The following DOCK9 variants were observed in gnomAD, a reference collection of about 807,000 sequenced individuals.
The protein encoded by DOCK9 is dedicator of cytokinesis 9.
Under a neutral mutation model 263.3 loss-of-function variants are expected in DOCK9, and 89 were observed. The observed-to-expected ratio is 0.34, with a 90% CI of 0.28 to 0.40. The LOEUF is 0.40. DOCK9 is among the 10% of genes least tolerant of loss of function. DOCK9 has a pLI of 1.00. For synonymous variants in DOCK9, 976 were observed against 973.1 expected (o/e 1.00, Z -0.06); for missense variants, 2,140 against 2,603.4 (o/e 0.82, Z 3.87).
At position 98,886,623 on chromosome 13, in the gene DOCK9, C is replaced by G; in HGVS notation, c.2045G>C (p.Cys682Ser). 6.2e-7 allele frequency: 1 copy of G among 1,613,412 alleles called. No individual in the cohort carries two copies. ...SDEEDSQPLK[C>S]IYGRPGGPVF... ...TGGCCCACCAGGTCTGCCATAAATGCACTAAAATAAGAGTTACCAAAGGGA... is the reference window on the plus strand; with the variant it reads ...TGGCCCACCAGGTCTGCCATAAATGGACTAAAATAAGAGTTACCAAAGGGA... Residue 682 changes from cysteine to serine, a missense_variant and splice_region_variant, in exon 19 of 53, where the codon TGC becomes TCC. Coordinates refer to ENST00000682017, the MANE Select transcript of DOCK9 (RefSeq NM_001366683.2).
intron 47 of DOCK9, among the ~76,000 whole-genome samples, chr13:98,808,019 T>C (rs553056020): frequency 6.6e-6 from 1 of 152,318 alleles, no homozygotes; most frequent in Non-Finnish European, 1.5e-5. Context: ...TATTCAAGAA[T>C]GCAGTCATTA....
rs1217472609 is a variant in DOCK9, at chr13:98,825,531, G to A, written c.5024-1027C>T. Reference sequence around the variant, plus strand: ...ACTATCCCAGTTTAGTTTTTATTTTGTTATATGGAAACAAGAGTCTCCCAT... The same window carrying A: ...ACTATCCCAGTTTAGTTTTTATTTTATTATATGGAAACAAGAGTCTCCCAT... On this transcript the variant is annotated intron_variant, in intron 44 of 52. Coordinates refer to ENST00000682017, the MANE Select transcript of DOCK9 (RefSeq NM_001366683.2). The surrounding 1 kb of genome is among the most constrained non-coding windows in gnomAD (Gnocchi z 4.1). Among the ~76,000 whole-genome samples, 1 of 152,070 alleles carries A rather than the reference G, an allele frequency of 6.6e-6. No individual in the cohort carries two copies. Among genetic ancestry groups the A allele is most frequent in the Non-Finnish European group, 1.5e-5 (1 of 68,000 alleles).
chr13:98,887,909 G>C (rs987802112), intron 18 of DOCK9, among the ~76,000 whole-genome samples: 1 of 152,050 alleles, frequency 6.6e-6, no homozygotes, highest in Admixed American at 6.5e-5. Flanking sequence ...AGTGTTTGCT[G>C]AATTGAGTGT....
chr13:98,938,710 A>AT (rs10711141), intron 2 of DOCK9, among the ~76,000 whole-genome samples: 3 of 151,924 alleles, frequency 2.0e-5, no homozygotes, highest in East Asian at 1.9e-4. Flanking sequence ...ATGGCACTGG[A>AT]TTTTTTTTAT....
chr13:98,850,196 C>A lies in DOCK9; in HGVS notation c.3947-83G>T, dbSNP rs1298779705. Reference sequence around the variant, plus strand: ...CACCTGTTGTGAAAATGGGAAGGAACCTTGGAGTGTAGGCCTCTAAACCCT... The same window carrying A: ...CACCTGTTGTGAAAATGGGAAGGAAACTTGGAGTGTAGGCCTCTAAACCCT... On this transcript the variant is annotated intron_variant, in intron 35 of 52. Transcript: ENST00000682017. The A allele has an allele frequency of 5.7e-6, 6 of 1,050,226 alleles. No individual in the cohort carries two copies. The East Asian group carries it at 1.1e-4, about 20-fold the overall frequency. 65.1% of individuals were successfully genotyped at this position (1,050,226 alleles called of 1,614,324 possible). A position where few individuals can be genotyped will look rare whatever the true frequency, so the allele number is the denominator to read the frequency against.
intron 15 of DOCK9, among the ~76,000 whole-genome samples, chr13:98,891,853 A>G (rs1201950364): frequency 6.6e-6 from 1 of 150,810 alleles, no homozygotes; most frequent in African/African-American, 2.4e-5. Flanking sequence ...TTAAAAACCC[A>G]ATCTCAAACC....
At position 98,917,634 on chromosome 13, in the gene DOCK9, CT is replaced by C. The variant is rs138080498; in HGVS notation, c.718-2132del. ...CCAAATATACTTTCATGTATTTTAC[CT>C]TTTTTTTTCTTTTTTTTTTTTTCGG... On this transcript the variant is annotated intron_variant, in intron 7 of 52. Transcript: ENST00000682017. Among the ~76,000 whole-genome samples the C allele has an allele frequency of 7.5e-5, 11 of 145,710 alleles. No homozygotes were observed. The East Asian group carries it at 1.0e-3, about 13-fold the overall frequency.
intron 1 of DOCK9, among the ~76,000 whole-genome samples, chr13:99,007,121 G>A (rs192811871): frequency 6.6e-6 from 1 of 152,102 alleles, no homozygotes; most frequent in East Asian, 1.9e-4. Flanking sequence ...CAGGTGCAGT[G>A]GTTCACGCCT....
chr13:98,796,768 A>ATT (rs2089462530), intron 52 of DOCK9, among the ~76,000 whole-genome samples: 2 of 152,214 alleles, frequency 1.3e-5, no homozygotes, highest in African/African-American at 2.4e-5. Context: ...GGATTAAAGG[A>ATT]ATAAAGTTGT....
intron 27 of DOCK9, among the ~76,000 whole-genome samples, chr13:98,869,577 G>C (rs1447649193): frequency 6.6e-6 from 1 of 152,194 alleles, no homozygotes; most frequent in East Asian, 1.9e-4. Flanking sequence ...GCCACAAGAG[G>C]GGGGTATTTT....
In DOCK9 at chr13:98,955,504, G is replaced by A; in HGVS notation, c.174C>T (p.Val58=). The A allele has an allele frequency of 3.1e-6, 5 of 1,599,756 alleles. No individual in the cohort carries two copies. The highest frequency in any genetic ancestry group is 4.3e-6 in the Non-Finnish European group (5 of 1,172,222). ...CGTTCAGGATCTGAGTCTTCTTCTG[G>A]ACGATGACATTTTCATAGTCGAGTG... ...IEPLDYENVI[V]QKKTQILNDC... is the part of the protein sequence containing the mutation. Residue 58 remains valine, a synonymous_variant, in exon 2 of 53, where the codon GTC becomes GTT. Coordinates refer to ENST00000682017, the MANE Select transcript of DOCK9 (RefSeq NM_001366683.2).
intron 38 of DOCK9, among the ~76,000 whole-genome samples, chr13:98,843,243 A>G (rs1347115924): frequency 6.6e-6 from 1 of 152,180 alleles, no homozygotes; most frequent in Non-Finnish European, 1.5e-5. Flanking sequence ...TCTATGTCAT[A>G]TTGGTTGGCC....
At chr13:98,887,143 A>ATATTTTTTTTTTTTTTTTTTTTTTTT (rs1470080750) in intron 18 of DOCK9, among the ~76,000 whole-genome samples, 1 of 95,292 alleles carries the variant, frequency 1.0e-5, no homozygotes, top group African/African-American at 4.3e-5. Context: ...ATATATATAT[A>ATATTTTTTTTTTTTTTTTTTTTTTTT]TTTTTTTTTT....
At chr13:98,807,851 C>T in intron 47 of DOCK9, 44 bp from the exon 48 acceptor site, 1 of 1,531,296 alleles carries the variant, frequency 6.5e-7, no homozygotes, top group Non-Finnish European at 8.9e-7. Context: ...AACGTAAGCC[C>T]AGGGCTTACC....
chr13:98,856,892 G>A (rs1207272676), intron 33 of DOCK9: 3 of 152,088 alleles, frequency 2.0e-5, no homozygotes, highest in African/African-American at 4.8e-5. Flanking sequence ...TGCTGTGAAC[G>A]GGGAATATCT....
chr13:98,988,595 AT>A (rs1242157850), intron 1 of DOCK9, among the ~76,000 whole-genome samples: 6 of 152,194 alleles, frequency 3.9e-5, no homozygotes, highest in African/African-American at 1.4e-4. Flanking sequence ...ATCAACACCC[AT>A]TTTTAAAGGT....
At chr13:99,047,685 AT>A (rs912436931) in intron 1 of DOCK9, among the ~76,000 whole-genome samples, 17 of 149,592 alleles carry the variant, frequency 1.1e-4, no homozygotes, top group African/African-American at 3.7e-4. Context: ...TGCCCAGCTA[AT>A]TTTTTTTTTA....
intron 1 of DOCK9, among the ~76,000 whole-genome samples, chr13:99,063,663 A>G (rs763101579): frequency 6.6e-6 from 1 of 152,220 alleles, no homozygotes; most frequent in Non-Finnish European, 1.5e-5. Context: ...GCCACTGGGG[A>G]CCAATACTTT....
chr13:99,003,068 A>G lies in DOCK9; in HGVS notation c.130-47517T>C, dbSNP rs1324293041. Reference sequence around the variant, plus strand: ...AAGAGAATGGTTTTATTCAATGATCAATTCTTTCCCCAGTCTACTACACAA... The same window carrying G: ...AAGAGAATGGTTTTATTCAATGATCGATTCTTTCCCCAGTCTACTACACAA... On this transcript the variant is annotated intron_variant, in intron 1 of 32. Transcript: ENST00000427887. Among the ~76,000 whole-genome samples the G allele has an allele frequency of 2.6e-5, 4 of 152,282 alleles. No individual in the cohort carries two copies. In the East Asian group the frequency reaches 7.7e-4, roughly 29 times the overall value.
Sources: gnomAD v4.1 joint callset for allele counts (sites outside exome capture counted in the v4.1 genomes callset) on GRCh38, gnomAD v4.1.1 for gene constraint, Gnocchi (gnomAD v3.1) non-coding constraint, MANE v1.5 for transcripts, NCBI Gene and HGNC (gene_info 2026-07-23, HGNC 2026-07-21) for gene names.